Variants in XCR1 observed in about 807,000 individuals in gnomAD.
The protein encoded by XCR1 is chemokine XC receptor 1.
For synonymous variants in XCR1, 187 were observed against 188.5 expected (o/e 0.99, Z 0.06); for missense variants, 356 against 424.2 (o/e 0.84, Z 1.41).
chr3:46,034,037 A>G (rs1295462830), intron 5 of XCR1, among the ~76,000 whole-genome samples: 2 of 151,788 alleles, frequency 1.3e-5, no homozygotes, highest in Non-Finnish European at 2.9e-5. Context: ...CAGTGGCGTG[A>G]TCCTGGCTCA....
chr3:46,033,934 T>C (rs1452794459), intron 5 of XCR1, among the ~76,000 whole-genome samples: 1 of 151,948 alleles, frequency 6.6e-6, no homozygotes, highest in Non-Finnish European at 1.5e-5. Context: ...ATGTAAATGG[T>C]CTTGTTTTCA....
At position 46,021,756 on chromosome 3, in the gene XCR1, G is replaced by A. The variant is rs1708158147; in HGVS notation, c.192C>T (p.Ser64=). The A allele has an allele frequency of 1.2e-6, 2 of 1,614,100 alleles. No homozygotes were observed. The highest frequency in any genetic ancestry group is 1.7e-6 in the Non-Finnish European group (2 of 1,180,022). ...WVLVKYESLE[S]LTNIFILNLC... ...GGTTGAGGATGAAGATGTTGGTGAG[G>A]GACTCCAGGCTCTCATACTTCACCA... Residue 64 remains serine (S), a synonymous_variant, in exon 2 of 2, where the codon TCC becomes TCT. Transcript: ENST00000309285. This position sits in a 1 kb window ranked among gnomAD's most constrained non-coding sequence, Gnocchi z 4.7.
rs576167382 is a variant in XCR1, at chr3:46,040,082, A to C, written c.-32+13838T>G. Among the ~76,000 whole-genome samples, 24 of 152,294 alleles carry C rather than the reference A, an allele frequency of 1.6e-4. No individual in the cohort carries two copies. The East Asian group carries it at 3.7e-3, about 23-fold the overall frequency. ...GTTTTCTCTTTTGAACACAATTTTC[A>C]TGCAAGAGATAATAAGAGACTTTTG... is the stretch of plus-strand genomic sequence containing the variant. On this transcript the variant is annotated intron_variant, in intron 5 of 5. Transcript: ENST00000683768.
chr3:46,056,412 G>A (rs1448075079), intron 4 of XCR1, among the ~76,000 whole-genome samples: 1 of 152,070 alleles, frequency 6.6e-6, no homozygotes, highest in East Asian at 1.9e-4. Context: ...GGACTTTTGG[G>A]TGACAAATTT....
intron 5 of XCR1, among the ~76,000 whole-genome samples, chr3:46,038,755 T>A (rs1478179330): frequency 6.6e-6 from 1 of 152,240 alleles, no homozygotes; most frequent in Admixed American, 6.5e-5. Context: ...AATAGTATAC[T>A]ATTTATTTTA....
intron 5 of XCR1, among the ~76,000 whole-genome samples, chr3:46,036,066 GGAAATTA>G (rs1697425579): frequency 6.6e-6 from 1 of 152,228 alleles, no homozygotes; most frequent in Admixed American, 6.5e-5. Context: ...GTGTATCATG[GGAAATTA>G]GAATTACATA....
chr3:46,021,120 G>A lies in XCR1; in HGVS notation c.828C>T (p.Ala276=). The part of the protein sequence containing the change: ...EYALLICRNL[A]FSHCCFNPVL... ...CCGGGTTAAAGCAGCAGTGGGAGAA[G>A]GCGAGGTTGCGGCAGATGAGCAGGG... is the stretch of plus-strand genomic sequence containing the variant. Residue 276 remains alanine, a synonymous_variant, in exon 2 of 2, where the codon GCC becomes GCT. Transcript: ENST00000309285. This position sits in a 1 kb window ranked among gnomAD's most constrained non-coding sequence, Gnocchi z 4.7. 2 of 1,614,256 alleles carry A rather than the reference G, an allele frequency of 1.2e-6. No homozygotes were observed. The highest frequency in any genetic ancestry group is 1.7e-6 in the Non-Finnish European group (2 of 1,180,040).
chr3:46,059,103 G>T (rs1025117930), intron 4 of XCR1, among the ~76,000 whole-genome samples: 1 of 152,150 alleles, frequency 6.6e-6, no homozygotes, highest in Non-Finnish European at 1.5e-5. Context: ...TATGAGACAG[G>T]CCCGAGCCAG....
intron 4 of XCR1, among the ~76,000 whole-genome samples, chr3:46,056,815 ACC>A (rs1339068184): frequency 6.6e-6 from 1 of 151,938 alleles, no homozygotes; most frequent in Admixed American, 6.6e-5. Flanking sequence ...TTAAACAAAC[ACC>A]CATGTGTTTG....
At chr3:46,026,388 G>T (rs1039399613) in intron 1 of XCR1, among the ~76,000 whole-genome samples, 1 of 152,080 alleles carries the variant, frequency 6.6e-6, no homozygotes, top group African/African-American at 2.4e-5. Context: ...CTAAGGGAGT[G>T]AATTTAGCTT....
intron 5 of XCR1, among the ~76,000 whole-genome samples, chr3:46,039,412 G>A (rs77900985): frequency 6.1e-3 from 772 of 127,070 alleles, no homozygotes; most frequent in South Asian, 0.011. Context: ...AATTAGACAT[G>A]TGCAATGCGT....
intron 5 of XCR1, among the ~76,000 whole-genome samples, chr3:46,044,255 G>C (rs531937242): frequency 6.6e-6 from 1 of 152,230 alleles, no homozygotes; most frequent in Admixed American, 6.5e-5. Context: ...CCAAAGTGCT[G>C]GGATTACAGG....
At chr3:46,022,053 C>G in intron 1 of XCR1, 75 bp from the exon 2 acceptor site, 1 of 1,344,386 alleles carries the variant, frequency 7.4e-7, no homozygotes, top group Non-Finnish European at 1.0e-6. Context: ...AATCCTAGCA[C>G]TTTGGAAAGG....
At chr3:46,063,728 T>C (rs1464785224) in intron 4 of XCR1, among the ~76,000 whole-genome samples, 1 of 152,206 alleles carries the variant, frequency 6.6e-6, no homozygotes, top group Non-Finnish European at 1.5e-5. Context: ...CTGAAAACTC[T>C]CTCACGTCCC....
At chr3:46,064,132 C>A (rs1025892186) in intron 4 of XCR1, among the ~76,000 whole-genome samples, 2 of 152,322 alleles carry the variant, frequency 1.3e-5, no homozygotes, top group African/African-American at 4.8e-5. Flanking sequence ...CTTGGCCTCC[C>A]AAAGTGCTGG....
intron 5 of XCR1, among the ~76,000 whole-genome samples, chr3:46,033,269 G>T (rs1697339054): frequency 6.6e-6 from 1 of 152,008 alleles, no homozygotes; most frequent in Non-Finnish European, 1.5e-5. Flanking sequence ...AAAATCCAAG[G>T]CCATCTAGAT....
chr3:46,021,566 A>G lies in XCR1; in HGVS notation c.382T>C (p.Tyr128His), dbSNP rs1350932996. Reference protein sequence around the residue: ...FFLTIMTIHRYLSVVSPLSTL... With the variant: ...FFLTIMTIHRHLSVVSPLSTL... Reference sequence around the variant, plus strand: ...GAGAGGGGGCTCACTACCGACAGGTAGCGGTGGATGGTCATGATGGTCAGG... The same window carrying G: ...GAGAGGGGGCTCACTACCGACAGGTGGCGGTGGATGGTCATGATGGTCAGG... The change falls in exon 2 of 2, where the codon TAC becomes CAC. Residue 128 changes from tyrosine (Y) to histidine (H), a missense_variant. Tyr to His is a moderately conservative substitution (Grantham distance 83, BLOSUM62 2). Transcript: ENST00000309285. The surrounding 1 kb of genome is among the most constrained non-coding windows in gnomAD (Gnocchi z 4.7). 4 of 1,611,078 alleles carry G rather than the reference A, an allele frequency of 2.5e-6. No individual in the cohort carries two copies. The African/African-American group carries it at 4.0e-5, about 16-fold the overall frequency.
chr3:46,075,621 A>G (rs1275925008), intron 2 of XCR1, among the ~76,000 whole-genome samples: 2 of 152,206 alleles, frequency 1.3e-5, no homozygotes, highest in Admixed American at 6.5e-5. Flanking sequence ...TTCCAACCAC[A>G]TATCAGACAA....
intron 5 of XCR1, among the ~76,000 whole-genome samples, chr3:46,045,627 TA>T (rs932286488): frequency 6.6e-6 from 1 of 151,936 alleles, no homozygotes; most frequent in Admixed American, 6.6e-5. Flanking sequence ...CTCAACATGA[TA>T]AAAAAAACTT....
Sources: gnomAD v4.1 joint callset for allele counts (sites outside exome capture counted in the v4.1 genomes callset) on GRCh38, gnomAD v4.1.1 for gene constraint, Gnocchi (gnomAD v3.1) non-coding constraint, MANE v1.5 for transcripts, NCBI Gene and HGNC (gene_info 2026-07-23, HGNC 2026-07-21) for gene names.